The following RANBP2 variants were observed in gnomAD, a reference collection of about 807,000 sequenced individuals.
RANBP2 encodes the protein RAN binding protein 2, also known as E3 SUMO-protein ligase RanBP2.
In RANBP2, 57 loss-of-function variants were observed where a neutral mutation model predicts 303.6. The ratio of observed to expected loss-of-function variants is 0.19; its 90% CI spans 0.15 to 0.23. The LOEUF is 0.23. Ranked by LOEUF, RANBP2 falls within the 10% of genes least tolerant of loss-of-function variation. The pLI, the probability that RANBP2 is intolerant of heterozygous loss-of-function variation, is 1.00. For missense variants in RANBP2, 3,138 were observed against 3,780.8 expected, an observed-to-expected ratio of 0.83 and a Z score of 4.46; for synonymous variants, 1,167 against 1,301.5, an observed-to-expected ratio of 0.90 and a Z score of 2.23.
the RANBP2 span, among the ~76,000 whole-genome samples, chr2:109,467,307 A>C: frequency 6.6e-6 from 1 of 152,282 alleles, no homozygotes; most frequent in Admixed American, 6.5e-5. Context: ...CCCAGCAAGA[A>C]AAAGAAACCA....
At chr2:109,618,015 CAAAA>C in the RANBP2 span, 17 of 117,578 alleles carry the variant, frequency 1.4e-4, no homozygotes, top group Non-Finnish European at 1.8e-4. Context: ...GACTCTGTCT[CAAAA>C]AAAAAAAAAA....
chr2:109,181,124 G>T, the RANBP2 span, among the ~76,000 whole-genome samples: 6 of 152,326 alleles, frequency 3.9e-5, no homozygotes, highest in African/African-American at 1.4e-4. Context: ...TGATGGCTCA[G>T]GAAGGTCCTT....
the RANBP2 span, among the ~76,000 whole-genome samples, chr2:109,255,818 T>C: frequency 3.9e-5 from 6 of 152,266 alleles, no homozygotes; most frequent in Admixed American, 1.3e-4. Context: ...CGACTGTTTG[T>C]GCTTTTAATA....
At chr2:108,780,359 A>ATTTT (rs869269194) in intron 25 of RANBP2, among the ~76,000 whole-genome samples, 2,597 of 111,652 alleles carry the variant, frequency 0.023, 44 homozygotes, top group South Asian at 0.071. Flanking sequence ...CGCCCGGCTA[A>ATTTT]TTTTTTTTTT....
At chr2:109,519,704 C>G in the RANBP2 span, among the ~76,000 whole-genome samples, 1 of 152,130 alleles carries the variant, frequency 6.6e-6, no homozygotes, top group African/African-American at 2.4e-5. Context: ...CATTGAGAGG[C>G]CCAGACCCTG....
At chr2:108,786,942 G>T (rs765197005), downstream of RANBP2, 1 of 1,458,844 alleles carries the variant, frequency 6.9e-7, no homozygotes, top group Admixed American at 2.5e-5. Flanking sequence ...AGGTCCGCGG[G>T]TGGGCTCCTG....
At chr2:109,721,238 C>T in the RANBP2 span, among the ~76,000 whole-genome samples, 1 of 152,202 alleles carries the variant, frequency 6.6e-6, no homozygotes, top group African/African-American at 2.4e-5. Flanking sequence ...GTACACGCTG[C>T]GGCTTTCTTC....
the RANBP2 span, among the ~76,000 whole-genome samples, chr2:109,255,667 G>T: frequency 6.6e-6 from 1 of 152,274 alleles, no homozygotes; most frequent in East Asian, 1.9e-4. Context: ...GTTAAGTAAA[G>T]AAACTACTTA....
the RANBP2 span, among the ~76,000 whole-genome samples, chr2:109,075,287 C>A: frequency 6.7e-6 from 1 of 150,234 alleles, no homozygotes; most frequent in African/African-American, 2.4e-5. Flanking sequence ...TGCAATGGCA[C>A]AATCTCGGCT....
chr2:109,586,731 G>GTTAAA, the RANBP2 span, among the ~76,000 whole-genome samples: 1,435 of 152,310 alleles, frequency 9.4e-3, 10 homozygotes, highest in Non-Finnish European at 0.017. Context: ...AAGCCTGTAA[G>GTTAAA]TTAAAGAGTC....
the RANBP2 span, among the ~76,000 whole-genome samples, chr2:109,522,369 G>A: frequency 6.6e-6 from 1 of 150,446 alleles, no homozygotes; most frequent in Admixed American, 6.6e-5. Context: ...TCGGCTCACT[G>A]CAACCTCTGC....
the RANBP2 span, among the ~76,000 whole-genome samples, chr2:109,332,657 C>T: frequency 7.2e-5 from 11 of 152,170 alleles, no homozygotes; most frequent in African/African-American, 2.4e-4. Flanking sequence ...TCTAATTTGC[C>T]AGGCAGGAAA....
chr2:108,858,676 T>G, the RANBP2 span, among the ~76,000 whole-genome samples: 1 of 152,114 alleles, frequency 6.6e-6, no homozygotes, highest in African/African-American at 2.4e-5. Flanking sequence ...TACCATATAT[T>G]TAATTTTCTC....
the RANBP2 span, among the ~76,000 whole-genome samples, chr2:109,692,137 T>C: frequency 3.3e-5 from 5 of 152,188 alleles, no homozygotes; most frequent in African/African-American, 9.7e-5. Context: ...TTGCACATTT[T>C]AGGTTTTTGT....
At chr2:109,156,074 C>T in the RANBP2 span, among the ~76,000 whole-genome samples, 2 of 152,350 alleles carry the variant, frequency 1.3e-5, no homozygotes, top group East Asian at 1.9e-4. Flanking sequence ...GCTGGGTCCT[C>T]TCCTCTTTGG....
chr2:109,130,254 A>C, the RANBP2 span: 2 of 846,202 alleles, frequency 2.4e-6, no homozygotes, highest in Non-Finnish European at 3.1e-6. Context: ...TCTTCCTCCA[A>C]CTTCGCTTGC....
At chr2:108,873,336 A>T in the RANBP2 span, 3 of 983,578 alleles carry the variant, frequency 3.1e-6, no homozygotes, top group South Asian at 1.1e-4. Context: ...GTATGAAAAG[A>T]ATGAAAATCT....
chr2:108,896,200 T>C, the RANBP2 span: 2 of 152,328 alleles, frequency 1.3e-5, no homozygotes, highest in African/African-American at 4.8e-5. Flanking sequence ...TAGAGTGAGC[T>C]CTTCCATTAT....
the RANBP2 span, among the ~76,000 whole-genome samples, chr2:109,123,656 C>T: frequency 6.6e-6 from 1 of 152,242 alleles, no homozygotes; most frequent in South Asian, 2.1e-4. Flanking sequence ...TTACATATTC[C>T]CTCTCTGCCT....
Sources: allele counts gnomAD v4.1 joint callset (sites outside exome capture counted in the v4.1 genomes callset), GRCh38; gene constraint gnomAD v4.1.1; transcripts MANE v1.5; gene names NCBI Gene and HGNC (gene_info 2026-07-23, HGNC 2026-07-21).